The following GRIK1 variants were observed in gnomAD, a reference collection of about 807,000 sequenced individuals.
GRIK1 encodes glutamate receptor ionotropic, kainate 1.
A neutral mutation model predicts 105.7 loss-of-function variants in GRIK1; 69 were observed. The ratio of observed to expected loss-of-function variants is 0.65; its 90% confidence interval spans 0.54 to 0.80. The LOEUF is 0.80. Among genes scored for constraint, GRIK1 ranks in the 30% least tolerant of loss-of-function variants. The pLI is 0.00. For missense variants in GRIK1, 1,109 were observed against 1,167.3 expected (o/e 0.95, Z 0.73); for synonymous variants, 438 against 431.3 (o/e 1.02, Z -0.19).
intron 1 of GRIK1, among the ~76,000 whole-genome samples, chr21:29,727,092 T>G (rs2093691607): frequency 6.6e-6 from 1 of 151,594 alleles, no homozygotes; most frequent in Non-Finnish European, 1.5e-5. Context: ...GCAAGAAAAA[T>G]TTTTTGTATT....
chr21:29,583,777 A>G (rs148711181), intron 12 of GRIK1, among the ~76,000 whole-genome samples: 306 of 152,284 alleles, frequency 2.0e-3, no homozygotes, highest in African/African-American at 7.1e-3. Flanking sequence ...GTGCTGTAAG[A>G]CACTGGCTTT....
intron 1 of GRIK1, among the ~76,000 whole-genome samples, chr21:29,745,813 G>A (rs564793537): frequency 7.9e-5 from 12 of 152,276 alleles, no homozygotes; most frequent in Non-Finnish European, 1.5e-4. Context: ...TTAAAATTGA[G>A]AAAAGAGAGT....
intron 1 of GRIK1, among the ~76,000 whole-genome samples, chr21:29,747,057 G>A (rs1407058952): frequency 6.6e-6 from 1 of 152,046 alleles, no homozygotes; most frequent in African/African-American, 2.4e-5. Context: ...CAAGAACTTA[G>A]GAATAATGAA....
At chr21:29,769,203 A>G (rs1284029143) in intron 1 of GRIK1, among the ~76,000 whole-genome samples, 1 of 152,160 alleles carries the variant, frequency 6.6e-6, no homozygotes, top group Non-Finnish European at 1.5e-5. Context: ...ACATGACTTT[A>G]TTAGGAGACA....
intron 4 of GRIK1, among the ~76,000 whole-genome samples, chr21:29,664,752 T>C (rs992975836): frequency 1.3e-5 from 2 of 152,172 alleles, no homozygotes; most frequent in African/African-American, 2.4e-5. Flanking sequence ...GATAAGATCT[T>C]GCATTTATGA....
chr21:29,725,374 T>G (rs2064431578), intron 1 of GRIK1, among the ~76,000 whole-genome samples: 1 of 152,224 alleles, frequency 6.6e-6, no homozygotes, highest in South Asian at 2.1e-4. Flanking sequence ...GGTGTCTTCC[T>G]TGGCAAAAAG....
chr21:29,602,508 G>A (rs1340841819), intron 7 of GRIK1, among the ~76,000 whole-genome samples: 1 of 152,148 alleles, frequency 6.6e-6, no homozygotes, highest in Non-Finnish European at 1.5e-5. Context: ...TAGGTTTGAG[G>A]ATAAAGATTT....
chr21:29,827,343 G>T (rs1326224211), intron 1 of GRIK1, among the ~76,000 whole-genome samples: 2 of 152,092 alleles, frequency 1.3e-5, no homozygotes, highest in African/African-American at 4.8e-5. Flanking sequence ...AATGGAAAAT[G>T]AGAGTTTTAT....
At chr21:29,594,703 C>A (rs1045686203) in intron 9 of GRIK1, among the ~76,000 whole-genome samples, 1 of 152,140 alleles carries the variant, frequency 6.6e-6, no homozygotes, top group Non-Finnish European at 1.5e-5. Context: ...CAGAGAGCCA[C>A]TAGTATCTAT....
At chr21:29,784,449 C>G (rs963627379) in intron 1 of GRIK1, among the ~76,000 whole-genome samples, 1 of 152,156 alleles carries the variant, frequency 6.6e-6, no homozygotes, top group Admixed American at 6.5e-5. Context: ...TGACAACCCT[C>G]CATCCCCCAT....
At chr21:29,907,535 A>T (rs2070686408) in intron 1 of GRIK1, among the ~76,000 whole-genome samples, 1 of 152,146 alleles carries the variant, frequency 6.6e-6, no homozygotes, top group African/African-American at 2.4e-5. Context: ...GTTATATTGT[A>T]AAGAGAAATG....
chr21:29,802,165 A>G (rs191188610), intron 1 of GRIK1, among the ~76,000 whole-genome samples: 10 of 152,292 alleles, frequency 6.6e-5, no homozygotes, highest in African/African-American at 1.7e-4. Flanking sequence ...CTGAATTCTC[A>G]ATTGTCTCTG....
intron 1 of GRIK1, among the ~76,000 whole-genome samples, chr21:29,727,261 G>A (rs1342748097): frequency 6.6e-6 from 1 of 152,114 alleles, no homozygotes; most frequent in Non-Finnish European, 1.5e-5. Flanking sequence ...CAAAGGATAG[G>A]AACATATTTT....
At chr21:29,550,105 C>T (rs2090107579) in intron 16 of GRIK1, among the ~76,000 whole-genome samples, 1 of 21,986 alleles carries the variant, frequency 4.5e-5, no homozygotes, top group Non-Finnish European at 9.4e-5. Context: ...AAGACTCCAT[C>T]TCAAAAAAAA....
At chr21:29,691,860 TC>T (rs1396162553) in intron 2 of GRIK1, among the ~76,000 whole-genome samples, 17 of 152,246 alleles carry the variant, frequency 1.1e-4, no homozygotes, top group Non-Finnish European at 1.3e-4. Context: ...AGAAAAACTT[TC>T]TGCTACTCTG....
At chr21:29,749,504 T>C (rs888204669) in intron 1 of GRIK1, among the ~76,000 whole-genome samples, 8 of 152,206 alleles carry the variant, frequency 5.3e-5, no homozygotes, top group Non-Finnish European at 7.3e-5. Context: ...AAGGCTCCCA[T>C]TGGATTCCAC....
intron 7 of GRIK1, among the ~76,000 whole-genome samples, chr21:29,623,002 AT>A (rs1194620994): frequency 3.3e-5 from 5 of 152,298 alleles, no homozygotes; most frequent in African/African-American, 9.6e-5. Context: ...AAGGTAACAA[AT>A]TGACTGCCTA....
At chr21:29,570,533 C>G (rs2090718609) in intron 14 of GRIK1, among the ~76,000 whole-genome samples, 1 of 151,900 alleles carries the variant, frequency 6.6e-6, no homozygotes, top group East Asian at 1.9e-4. Flanking sequence ...TAAATAGAGT[C>G]TGTTGAAGTT....
chr21:29,803,131 C>A (rs562165978), intron 1 of GRIK1, among the ~76,000 whole-genome samples: 2 of 152,202 alleles, frequency 1.3e-5, no homozygotes, highest in African/African-American at 4.8e-5. Flanking sequence ...CCTTAATAGA[C>A]AATCTGGTGG....
Sources: gnomAD v4.1 joint callset for allele counts (sites outside exome capture counted in the v4.1 genomes callset) on GRCh38, gnomAD v4.1.1 for gene constraint, MANE v1.5 for transcripts, NCBI Gene and HGNC (gene_info 2026-07-23, HGNC 2026-07-21) for gene names.